Variants in IMMP2L observed in about 807,000 individuals in gnomAD.
IMMP2L encodes inner mitochondrial membrane peptidase subunit 2, also known as mitochondrial inner membrane protease subunit 2.
In IMMP2L, 18 loss-of-function variants were observed where a neutral mutation model predicts 19.3. The observed-to-expected ratio is 0.93, with a 90% CI of 0.64 to 1.38. The LOEUF is 1.38. Among genes scored for constraint, IMMP2L ranks in the 40% most tolerant of loss-of-function variants. IMMP2L has a pLI of 0.00. For missense variants in IMMP2L, 233 were observed against 218.2 expected (o/e 1.07, Z -0.43); for synonymous variants, 76 against 73.0 (o/e 1.04, Z -0.21).
intron 3 of IMMP2L, among the ~76,000 whole-genome samples, chr7:111,211,738 A>G (rs1811332338): frequency 6.6e-6 from 1 of 151,712 alleles, no homozygotes; most frequent in Non-Finnish European, 1.5e-5. Context: ...GGCCGGGAGC[A>G]GTGGCTCACG....
intron 3 of IMMP2L, among the ~76,000 whole-genome samples, chr7:111,188,974 C>A (rs1808575614): frequency 6.6e-6 from 1 of 152,024 alleles, no homozygotes. Context: ...TAAAAAAGTT[C>A]CTCCTGTTCA....
chr7:110,899,283 G>C (rs961217374), intron 4 of IMMP2L, among the ~76,000 whole-genome samples: 1 of 151,984 alleles, frequency 6.6e-6, no homozygotes, highest in Non-Finnish European at 1.5e-5. Context: ...TTCGTTTTAC[G>C]TGACCAATGG....
At chr7:110,792,334 T>C (rs1056528571) in intron 5 of IMMP2L, among the ~76,000 whole-genome samples, 1 of 151,678 alleles carries the variant, frequency 6.6e-6, no homozygotes, top group Non-Finnish European at 1.5e-5. Flanking sequence ...ACTGAGTTGA[T>C]ACCATTTTTT....
intron 2 of IMMP2L, among the ~76,000 whole-genome samples, chr7:111,500,538 T>A (rs867448710): frequency 1.3e-5 from 2 of 152,250 alleles, no homozygotes; most frequent in South Asian, 2.1e-4. Flanking sequence ...CCAAGCAGCC[T>A]AAATGGGAGG....
At chr7:111,535,035 A>C (rs1403158753) in intron 1 of IMMP2L, among the ~76,000 whole-genome samples, 1 of 152,158 alleles carries the variant, frequency 6.6e-6, no homozygotes, top group Non-Finnish European at 1.5e-5. Context: ...AAATGCAAGG[A>C]GGGAGTTAAT....
In IMMP2L at chr7:110,662,992, T is replaced by C. The variant is rs1172888242; in HGVS notation, c.*610A>G. 6.6e-6 allele frequency: 1 copy of C among 152,430 alleles called. No homozygotes were observed. The highest frequency in any genetic ancestry group is 1.5e-5 in the Non-Finnish European group (1 of 68,216). 9.4% of individuals were successfully genotyped at this position (152,430 alleles called of 1,614,324 possible). On this transcript the variant is annotated 3_prime_UTR_variant, in exon 6 of 6. Coordinates refer to ENST00000405709, the MANE Select transcript of IMMP2L (RefSeq NM_032549.4). ...TTTGATTCCTTATTTTCAGAAGAGA[T>C]AAGAAATTCCTCATTAATGGATGTA...
At chr7:111,528,989 G>C (rs1482715603) in intron 1 of IMMP2L, among the ~76,000 whole-genome samples, 2 of 152,154 alleles carry the variant, frequency 1.3e-5, no homozygotes, top group African/African-American at 4.8e-5. Flanking sequence ...ATGGAATTGT[G>C]CTAAGAGATA....
chr7:111,333,973 C>T (rs1217953190), intron 3 of IMMP2L, among the ~76,000 whole-genome samples: 2 of 152,002 alleles, frequency 1.3e-5, no homozygotes, highest in Non-Finnish European at 2.9e-5. Context: ...CACTCTTCAA[C>T]CTGTATATCT....
chr7:111,114,214 T>C (rs1799574023), intron 3 of IMMP2L, among the ~76,000 whole-genome samples: 1 of 152,048 alleles, frequency 6.6e-6, no homozygotes, highest in Non-Finnish European at 1.5e-5. Context: ...AAATTACTCC[T>C]GACATACAAA....
intron 3 of IMMP2L, among the ~76,000 whole-genome samples, chr7:111,089,304 A>G (rs2129577570): frequency 6.6e-6 from 1 of 152,242 alleles, no homozygotes; most frequent in Non-Finnish European, 1.5e-5. Flanking sequence ...TACCTTCATT[A>G]TGGGAGTGCA....
At chr7:111,083,623 G>A (rs1343472116) in intron 3 of IMMP2L, among the ~76,000 whole-genome samples, 4 of 152,152 alleles carry the variant, frequency 2.6e-5, no homozygotes, top group Non-Finnish European at 5.9e-5. Flanking sequence ...CTTCACTAGC[G>A]TGACAACTGT....
At chr7:111,307,725 TCTTA>T (rs2130182596) in intron 3 of IMMP2L, among the ~76,000 whole-genome samples, 1 of 151,938 alleles carries the variant, frequency 6.6e-6, no homozygotes, top group East Asian at 1.9e-4. Context: ...GAATTTTTTT[TCTTA>T]CTTGGAACTA....
chr7:111,114,872 A>G (rs1799686537), intron 3 of IMMP2L, among the ~76,000 whole-genome samples: 1 of 152,200 alleles, frequency 6.6e-6, no homozygotes, highest in African/African-American at 2.4e-5. Context: ...TGAAGTCACT[A>G]AAGGTCACGA....
intron 3 of IMMP2L, among the ~76,000 whole-genome samples, chr7:111,046,983 G>C (rs1792461041): frequency 6.6e-6 from 1 of 152,040 alleles, no homozygotes; most frequent in South Asian, 2.1e-4. Flanking sequence ...AGCTAAAGCA[G>C]ATCTTGCTAA....
At chr7:111,206,472 A>T (rs1810721153) in intron 3 of IMMP2L, among the ~76,000 whole-genome samples, 1 of 152,136 alleles carries the variant, frequency 6.6e-6, no homozygotes. Context: ...CGACCGAGTA[A>T]GTGACTGTGC....
intron 3 of IMMP2L, among the ~76,000 whole-genome samples, chr7:111,180,649 T>A (rs1266537768): frequency 6.6e-6 from 1 of 152,084 alleles, no homozygotes. Flanking sequence ...GCAGGGTTGC[T>A]ACAAACCTAA....
At chr7:110,691,770 C>T (rs1043580411) in intron 5 of IMMP2L, among the ~76,000 whole-genome samples, 1 of 152,096 alleles carries the variant, frequency 6.6e-6, no homozygotes, top group Non-Finnish European at 1.5e-5. Flanking sequence ...CACCTTACCC[C>T]AGCCAAGATG....
intron 5 of IMMP2L, among the ~76,000 whole-genome samples, chr7:110,868,179 A>C (rs946223365): frequency 1.4e-5 from 2 of 145,128 alleles, no homozygotes; most frequent in South Asian, 2.4e-4. Flanking sequence ...CGGAGAGACA[A>C]GCATGACGTA....
chr7:111,038,612 A>G (rs1473764622), intron 3 of IMMP2L, among the ~76,000 whole-genome samples: 1 of 152,190 alleles, frequency 6.6e-6, no homozygotes, highest in Non-Finnish European at 1.5e-5. Flanking sequence ...TCAGTAAAAC[A>G]GACCCTTGGG....
Sources: allele counts gnomAD v4.1 joint callset (sites outside exome capture counted in the v4.1 genomes callset), GRCh38; gene constraint gnomAD v4.1.1; transcripts MANE v1.5; gene names NCBI Gene and HGNC (gene_info 2026-07-23, HGNC 2026-07-21).